Variants in KCNMA1 observed in about 807,000 individuals in gnomAD.
The protein encoded by KCNMA1 is potassium calcium-activated channel subfamily M alpha 1, also known as Calcium-activated potassium channel subunit alpha-1.
Under a neutral mutation model 140.0 loss-of-function variants are expected in KCNMA1, and 29 were observed. The ratio of observed to expected loss-of-function variants is 0.21; its 90% CI spans 0.15 to 0.28. The LOEUF (loss-of-function observed/expected upper bound fraction) is 0.28. KCNMA1 is among the 10% of genes least tolerant of loss of function. The pLI, the probability that KCNMA1 is intolerant of heterozygous loss-of-function variation, is 1.00. For missense variants in KCNMA1, 880 were observed against 1,602.2 expected (o/e 0.55, Z 7.70); for synonymous variants, 612 against 611.9 (o/e 1.00, Z 0.00).
At chr10:77,128,360 A>T (rs984110731) in intron 5 of KCNMA1, among the ~76,000 whole-genome samples, 4 of 148,786 alleles carry the variant, frequency 2.7e-5, no homozygotes, top group Admixed American at 6.7e-5. Context: ...CCCTTTTTTT[A>T]AAATTTTTTT....
At chr10:77,083,855 G>C (rs1164126449) in intron 12 of KCNMA1, among the ~76,000 whole-genome samples, 6 of 150,842 alleles carry the variant, frequency 4.0e-5, no homozygotes, top group Non-Finnish European at 8.9e-5. Context: ...AACGGGGGGG[G>C]GTTGGGGGAG....
chr10:77,502,990 G>A (rs1603630333), intron 1 of KCNMA1, among the ~76,000 whole-genome samples: 1 of 152,292 alleles, frequency 6.6e-6, no homozygotes, highest in East Asian at 1.9e-4. Context: ...GGCGGCACAT[G>A]CCTGTAATCC....
At chr10:77,054,051 G>C (rs1798925743) in intron 14 of KCNMA1, among the ~76,000 whole-genome samples, 1 of 152,078 alleles carries the variant, frequency 6.6e-6, no homozygotes, top group African/African-American at 2.4e-5. Flanking sequence ...GAAGGGTGAG[G>C]GCTGTGGTAG....
intron 1 of KCNMA1, among the ~76,000 whole-genome samples, chr10:77,599,525 G>T (rs2081983220): frequency 6.6e-6 from 1 of 152,148 alleles, no homozygotes; most frequent in Non-Finnish European, 1.5e-5. Flanking sequence ...GGGCGTTCTT[G>T]TCTTCTTTTT....
In KCNMA1 at chr10:76,944,731, C is replaced by T. The variant is rs199741292; in HGVS notation, c.2902+42G>A. On this transcript the variant is annotated intron_variant, in intron 23 of 27. Transcript: ENST00000286628. The stretch of plus-strand genomic sequence containing the variant: ...GGATATCCCTCTTGCCAGCCCCTGT[C>T]CCCTGCAGGCACAGCAAAGAAGTAT... 188 of 1,562,246 alleles carry T rather than the reference C, an allele frequency of 1.2e-4. 1 individual carries two copies. Among genetic ancestry groups the T allele is most frequent in the Middle Eastern group, 1.1e-3 (6 of 5,446 alleles).
intron 2 of KCNMA1, among the ~76,000 whole-genome samples, chr10:77,393,990 T>C (rs1475212557): frequency 6.6e-6 from 1 of 151,476 alleles, no homozygotes; most frequent in Non-Finnish European, 1.5e-5. Context: ...CGCTCAGTTC[T>C]GTATACTAGG....
chr10:76,918,943 CACACAT>C (rs970547265), intron 23 of KCNMA1, among the ~76,000 whole-genome samples: 84 of 150,370 alleles, frequency 5.6e-4, no homozygotes, highest in East Asian at 2.4e-3. Context: ...CACACACACA[CACACAT>C]ATATATGTGA....
At chr10:77,005,184 C>T (rs1045519273) in intron 18 of KCNMA1, among the ~76,000 whole-genome samples, 16 of 152,138 alleles carry the variant, frequency 1.1e-4, no homozygotes, top group African/African-American at 3.6e-4. Flanking sequence ...ACTAGCCTTT[C>T]TCCAAAAGGA....
rs544257955 is a variant in KCNMA1, at chr10:77,382,994, GTATATATATATATATA to G, written c.540+20852_540+20867del. ...TGTGTGTGTGTGTGTGTGTGTGTGTGTATATATATATATATATATATATATATATATATATTCCAAG... is the reference window on the plus strand; with the variant it reads ...TGTGTGTGTGTGTGTGTGTGTGTGTGTATATATATATATATATATTCCAAG... On this transcript the variant is annotated intron_variant, in intron 2 of 27. Transcript: ENST00000286628. Among the ~76,000 whole-genome samples, 413 of 46,434 alleles carry G rather than the reference GTATATATATATATATA, an allele frequency of 8.9e-3. 9 individuals are homozygous for G. The highest frequency in any genetic ancestry group is 0.037 in the African/African-American group (393 of 10,520). 30.5% of individuals were successfully genotyped at this position (46,434 alleles called of 152,430 possible).
At chr10:77,481,182 C>T (rs1035932807) in intron 1 of KCNMA1, among the ~76,000 whole-genome samples, 1 of 151,644 alleles carries the variant, frequency 6.6e-6, no homozygotes, top group Non-Finnish European at 1.5e-5. Flanking sequence ...CACATACACA[C>T]AGCGTGTACA....
intron 5 of KCNMA1, among the ~76,000 whole-genome samples, chr10:77,133,166 T>C (rs975193732): frequency 7.2e-6 from 1 of 138,532 alleles, no homozygotes; most frequent in Non-Finnish European, 1.6e-5. Flanking sequence ...TTTAATCAAA[T>C]GGAGAAAAGA....
At chr10:77,610,649 G>A (rs1345898037) in intron 1 of KCNMA1, among the ~76,000 whole-genome samples, 1 of 152,218 alleles carries the variant, frequency 6.6e-6, no homozygotes, top group Non-Finnish European at 1.5e-5. Context: ...CACATATTGT[G>A]TGATTCCACT....
chr10:76,914,025 A>G, intron 24 of KCNMA1: 1 of 1,460,070 alleles, frequency 6.8e-7, no homozygotes. Flanking sequence ...ACAAAAGGAG[A>G]TACTGATGTG....
At chr10:77,019,769 C>T (rs1013616443) in intron 16 of KCNMA1, 5 of 151,902 alleles carry the variant, frequency 3.3e-5, no homozygotes, top group African/African-American at 1.2e-4. Context: ...TTTATAAAAA[C>T]GTACAGGGTG....
At chr10:77,452,547 C>T (rs917634424) in intron 1 of KCNMA1, among the ~76,000 whole-genome samples, 2 of 151,996 alleles carry the variant, frequency 1.3e-5, no homozygotes, top group African/African-American at 4.8e-5. Context: ...TATAAATGCG[C>T]AAAAAAAGTC....
At position 76,944,948 on chromosome 10, in the gene KCNMA1, C is replaced by A. The variant is rs1344394851; in HGVS notation, c.2727G>T (p.Arg909=). The change falls in exon 23 of 28, where the codon CGG becomes CGT. Residue 909 remains arginine, a synonymous_variant. Transcript: ENST00000286628. ...VSILPGTPLS[R]ADLRAVNINL... is the part of the protein sequence containing the mutation. ...TGATGTTGACAGCCCTTAAATCAGC[C>A]CGACTTAATGGCGTACCCTTTGGCA... 1 of 1,613,668 alleles carries A rather than the reference C, an allele frequency of 6.2e-7. No homozygotes were observed. Among genetic ancestry groups the A allele is most frequent in the Non-Finnish European group, 8.5e-7 (1 of 1,179,968 alleles).
At chr10:77,506,840 AGTGTGTGTGTGTGT>A (rs67309788) in intron 1 of KCNMA1, among the ~76,000 whole-genome samples, 6 of 120,856 alleles carry the variant, frequency 5.0e-5, no homozygotes, top group Admixed American at 1.8e-4. Context: ...AGAGAGAGAG[AGTGTGTGTGTGTGT>A]GTGTGTGTGT....
intron 3 of KCNMA1, among the ~76,000 whole-genome samples, chr10:77,195,805 TG>T (rs1327591848): frequency 7.9e-5 from 12 of 151,884 alleles, no homozygotes; most frequent in Non-Finnish European, 1.6e-4. Flanking sequence ...AAAAATTAGC[TG>T]GGAGTGGTGG....
chr10:77,119,736 T>C (rs1012805344), intron 6 of KCNMA1, among the ~76,000 whole-genome samples: 1 of 152,164 alleles, frequency 6.6e-6, no homozygotes, highest in Non-Finnish European at 1.5e-5. Context: ...TAAATTCTTA[T>C]CTCAGGATAA....
Sources: gnomAD v4.1 joint callset for allele counts (sites outside exome capture counted in the v4.1 genomes callset) on GRCh38, gnomAD v4.1.1 for gene constraint, MANE v1.5 for transcripts, NCBI Gene and HGNC (gene_info 2026-07-23, HGNC 2026-07-21) for gene names.